Variants in GOLGA1 observed in about 807,000 individuals in gnomAD.
GOLGA1 encodes golgin subfamily A member 1.
In GOLGA1, 63 loss-of-function variants were observed where a neutral mutation model predicts 119.7. That is an observed-to-expected ratio of 0.53 (90% CI 0.43 to 0.65). The LOEUF (loss-of-function observed/expected upper bound fraction) is 0.65, where lower values mean the gene tolerates loss of function less well. Ranked by LOEUF, GOLGA1 falls within the 30% of genes least tolerant of loss-of-function variation. The pLI is 0.00. For synonymous variants in GOLGA1, 318 were observed against 333.4 expected (o/e 0.95, Z 0.50); for missense variants, 798 against 912.8 (o/e 0.87, Z 1.62).
At chr9:124,938,488 G>T in intron 3 of GOLGA1, 89 bp downstream of exon 3, 1 of 1,084,966 alleles carries the variant, frequency 9.2e-7, no homozygotes, top group South Asian at 1.3e-5. Flanking sequence ...TATAAACCAT[G>T]AAAGGTATGA....
In GOLGA1 at chr9:124,889,213, G is replaced by T; in HGVS notation, c.1691C>A (p.Ala564Glu). Residue 564 changes from alanine to glutamate, a missense_variant, in exon 18 of 23, where the codon GCG becomes GAG. Coordinates refer to ENST00000373555, the MANE Select transcript of GOLGA1 (RefSeq NM_002077.4). Reference protein sequence around the residue: ...TLKAEEAAVVAEQEDLLRLRG... With the variant: ...TLKAEEAAVVEEQEDLLRLRG... ...CAGCCTCAGCAGGTCCTCCTGCTCC[G>T]CGACCACTGCAGCCTCCTCCGCCTT... 4 of 1,613,196 alleles carry T rather than the reference G, an allele frequency of 2.5e-6. No homozygotes were observed. In the South Asian group the frequency reaches 4.4e-5, roughly 18 times the overall value.
Position 124,929,272 on chromosome 9 carries a change from C to A in GOLGA1, c.245G>T (p.Arg82Leu). ...CTTCTCTTTTATCTTCTGCAAGTTTCGGACCTGTTCAGCATAGTCTTGGGT... is the reference window on the plus strand; with the variant it reads ...CTTCTCTTTTATCTTCTGCAAGTTTAGGACCTGTTCAGCATAGTCTTGGGT... Reference protein sequence around the residue: ...ARLSDYAEQVRNLQKIKEKLE... With the variant: ...ARLSDYAEQVLNLQKIKEKLE... Residue 82 changes from arginine (R) to leucine (L), a missense_variant, in exon 5 of 23, where the codon CGA becomes CTA. Transcript: ENST00000373555. The A allele has an allele frequency of 1.2e-6, 2 of 1,608,218 alleles. No homozygotes were observed. The highest frequency in any genetic ancestry group is 8.5e-7 in the Non-Finnish European group (1 of 1,174,734).
intron 12 of GOLGA1, among the ~76,000 whole-genome samples, chr9:124,906,113 CAAAA>C (rs869228913): frequency 3.4e-4 from 16 of 47,472 alleles, no homozygotes; most frequent in Admixed American, 1.2e-3. Flanking sequence ...ACTGTGTCTC[CAAAA>C]AATAAATAAA....
upstream of GOLGA1, chr9:124,944,971 A>G (rs2131558617): frequency 6.6e-6 from 1 of 152,330 alleles, no homozygotes; most frequent in East Asian, 1.9e-4. Context: ...TGAAAGTGAT[A>G]TCCTATTAGC....
intron 3 of GOLGA1, among the ~76,000 whole-genome samples, chr9:124,937,710 T>C (rs1294603543): frequency 6.6e-6 from 1 of 151,722 alleles, no homozygotes; most frequent in Non-Finnish European, 1.5e-5. Flanking sequence ...ACTTTATTTT[T>C]TAAGCATGAC....
At chr9:124,944,302 T>TC (rs1259228081), upstream of GOLGA1, 2 of 145,866 alleles carry the variant, frequency 1.4e-5, no homozygotes, top group African/African-American at 5.0e-5. Context: ...AAAAATTCCT[T>TC]TTTTTTTTTT....
intron 19 of GOLGA1, among the ~76,000 whole-genome samples, chr9:124,885,793 G>A (rs1222114291): frequency 2.6e-5 from 4 of 152,114 alleles, no homozygotes; most frequent in African/African-American, 4.8e-5. Flanking sequence ...AGGGCTTTGC[G>A]GGCCTCTGCA....
chr9:124,921,663 G>A (rs542640941), intron 9 of GOLGA1, 60 bp downstream of exon 9: 87 of 1,302,384 alleles, frequency 6.7e-5, no homozygotes, highest in Non-Finnish European at 5.4e-6. Context: ...AAGGTGGGCA[G>A]GCTATAGCCA....
At chr9:124,909,688 C>A (rs1354141947) in intron 11 of GOLGA1, among the ~76,000 whole-genome samples, 1 of 151,586 alleles carries the variant, frequency 6.6e-6, no homozygotes, top group African/African-American at 2.4e-5. Flanking sequence ...CAGCTAGTTG[C>A]ACAGATTTGA....
intron 4 of GOLGA1, among the ~76,000 whole-genome samples, chr9:124,930,219 A>G (rs1830748633): frequency 2.0e-5 from 3 of 152,182 alleles, no homozygotes; most frequent in South Asian, 2.1e-4. Context: ...TCTTCCTACC[A>G]TATGGGGAAG....
intron 15 of GOLGA1, among the ~76,000 whole-genome samples, chr9:124,892,201 C>T (rs564728129): frequency 9.2e-5 from 14 of 152,106 alleles, no homozygotes; most frequent in East Asian, 5.8e-4. Context: ...GTGATCCATC[C>T]GCTTTGGCCT....
chr9:124,888,455 G>C lies in GOLGA1; in HGVS notation c.1762-59C>G, dbSNP rs1829776604. On this transcript the variant is annotated intron_variant, in intron 18 of 22. Transcript: ENST00000373555. This position sits in a 1 kb window ranked among gnomAD's most constrained non-coding sequence, Gnocchi z 4.4. ...ACAGGTCAGGTGAAGCTGAGCCACA[G>C]GTACACAGGGAAGGGGAGCTAGACT... 7 of 1,513,498 alleles carry C rather than the reference G, an allele frequency of 4.6e-6. No individual in the cohort carries two copies. The highest frequency in any genetic ancestry group is 1.1e-5 in the South Asian group (1 of 88,564). 93.8% of individuals were successfully genotyped at this position (1,513,498 alleles called of 1,614,324 possible). A position where few individuals can be genotyped will look rare whatever the true frequency, so the allele number is the denominator to read the frequency against.
At chr9:124,895,688 GAGAACCCTCCACAACAC>G (rs1203000648) in intron 15 of GOLGA1, among the ~76,000 whole-genome samples, 90 of 144,900 alleles carry the variant, frequency 6.2e-4, no homozygotes, top group Middle Eastern at 8.7e-3. Context: ...CTCCACAACA[GAGAACCCTCCACAACAC>G]AGAACCCTCC....
At position 124,878,407 on chromosome 9, in the gene GOLGA1, C is replaced by T. The variant is rs569653774; in HGVS notation, c.*2123G>A. ...AGAGCTTTAATCAAAAAGTGTATTG[C>T]ACCACAGATGAATTTGCTACAGCAG... On this transcript the variant is annotated 3_prime_UTR_variant, in exon 23 of 23. Coordinates refer to ENST00000373555, the MANE Select transcript of GOLGA1 (RefSeq NM_002077.4). The T allele has an allele frequency of 3.3e-5, 5 of 152,692 alleles. No homozygotes were observed. The East Asian group carries it at 5.8e-4, about 18-fold the overall frequency. The allele number at this position is 152,692 out of a possible 1,614,324, so 9.5% of individuals were successfully genotyped here.
intron 12 of GOLGA1, among the ~76,000 whole-genome samples, chr9:124,906,026 T>C (rs775545325): frequency 6.6e-4 from 100 of 151,316 alleles, no homozygotes; most frequent in Non-Finnish European, 9.6e-4. Flanking sequence ...CGCAGAAGAA[T>C]TGCTTCAACC....
chr9:124,945,257 A>G (rs1831127816), upstream of GOLGA1: 1 of 152,214 alleles, frequency 6.6e-6, no homozygotes, highest in Non-Finnish European at 1.5e-5. Flanking sequence ...GATAACTATT[A>G]AAAAGAATTT....
chr9:124,929,690 T>C (rs923718268), intron 4 of GOLGA1, among the ~76,000 whole-genome samples: 1 of 152,188 alleles, frequency 6.6e-6, no homozygotes, highest in Non-Finnish European at 1.5e-5. Context: ...AGCTCGCTTA[T>C]AGTCCACACA....
At chr9:124,895,878 AC>A (rs1415188075) in intron 15 of GOLGA1, among the ~76,000 whole-genome samples, 1 of 118,274 alleles carries the variant, frequency 8.5e-6, no homozygotes, top group African/African-American at 3.8e-5. Context: ...ACAGAGACCC[AC>A]CCACAACAGA....
At chr9:124,926,193 G>A (rs1830669547) in intron 7 of GOLGA1, among the ~76,000 whole-genome samples, 2 of 152,172 alleles carry the variant, frequency 1.3e-5, no homozygotes, top group African/African-American at 4.8e-5. Flanking sequence ...GCAACAGTTG[G>A]CCATAAAGAG....
Sources: allele counts gnomAD v4.1 joint callset (sites outside exome capture counted in the v4.1 genomes callset), GRCh38; gene constraint gnomAD v4.1.1; non-coding constraint Gnocchi (gnomAD v3.1); transcripts MANE v1.5; gene names NCBI Gene and HGNC (gene_info 2026-07-23, HGNC 2026-07-21).